GRID2: variants seen among roughly 807,000 people sequenced by gnomAD.
GRID2 encodes glutamate receptor ionotropic, delta-2.
GRID2 carries 33 observed loss-of-function variants against 114.8 expected under a neutral mutation model. The observed-to-expected ratio is 0.29, with a 90% CI of 0.22 to 0.38. GRID2 has a LOEUF of 0.38. Ranked by LOEUF, GRID2 falls within the 10% of genes least tolerant of loss-of-function variation. The pLI is 1.00. For missense variants in GRID2, 1,184 were observed against 1,257.7 expected (o/e 0.94, Z 0.89); for synonymous variants, 505 against 449.9 (o/e 1.12, Z -1.55).
intron 2 of GRID2, among the ~76,000 whole-genome samples, chr4:92,759,316 A>G (rs771119997): frequency 3.3e-5 from 5 of 152,120 alleles, no homozygotes; most frequent in African/African-American, 4.8e-5. Context: ...TATAACCTAT[A>G]TTTCTGTCAA....
chr4:92,508,624 G>A (rs777172646), intron 1 of GRID2, among the ~76,000 whole-genome samples: 1 of 151,796 alleles, frequency 6.6e-6, no homozygotes, highest in Non-Finnish European at 1.5e-5. Context: ...CATGTTGTAG[G>A]AATGGCAAGA....
At chr4:93,471,319 A>G (rs1724780217) in intron 11 of GRID2, among the ~76,000 whole-genome samples, 1 of 152,108 alleles carries the variant, frequency 6.6e-6, no homozygotes. Context: ...TTATCTTTCA[A>G]CTCTTAAACT....
At position 92,317,728 on chromosome 4, in the gene GRID2, T is replaced by C. The variant is rs558178322; in HGVS notation, c.88+12984T>C. ...CAAAATATCACCCAGATTCTGAAGA[T>C]AGAACTTGCTCTTGGCTGCTGAGTT... On this transcript the variant is annotated intron_variant, in intron 1 of 15. Coordinates refer to ENST00000282020, the MANE Select transcript of GRID2 (RefSeq NM_001510.4). Among the ~76,000 whole-genome samples, 14 of 152,274 alleles carry C rather than the reference T, an allele frequency of 9.2e-5. No homozygotes were observed. In the South Asian group the frequency reaches 2.5e-3, roughly 27 times the overall value.
chr4:92,655,990 T>G (rs1732212501), intron 2 of GRID2, among the ~76,000 whole-genome samples: 1 of 151,854 alleles, frequency 6.6e-6, no homozygotes, highest in Admixed American at 6.6e-5. Context: ...CAGTATTATG[T>G]TAGCTGTGGG....
intron 13 of GRID2, among the ~76,000 whole-genome samples, 199 bp from the exon 14 acceptor site, chr4:93,626,070 A>C (rs1742702162): frequency 6.6e-6 from 1 of 152,230 alleles, no homozygotes; most frequent in Admixed American, 6.5e-5. Flanking sequence ...ATTTTATATA[A>C]GGACTTGAGC....
intron 2 of GRID2, among the ~76,000 whole-genome samples, chr4:92,854,364 T>C (rs185143715): frequency 3.3e-5 from 5 of 152,200 alleles, no homozygotes; most frequent in Admixed American, 3.3e-4. Context: ...CTCTGAATTC[T>C]GGGCTGAAAA....
At chr4:92,730,440 A>G (rs747632697) in intron 2 of GRID2, among the ~76,000 whole-genome samples, 2 of 151,910 alleles carry the variant, frequency 1.3e-5, no homozygotes, top group Non-Finnish European at 2.9e-5. Flanking sequence ...TTCATCTTCC[A>G]CTTAGATTAG....
At chr4:93,211,631 T>C (rs1040383646) in intron 5 of GRID2, among the ~76,000 whole-genome samples, 1 of 152,152 alleles carries the variant, frequency 6.6e-6, no homozygotes, top group Non-Finnish European at 1.5e-5. Context: ...ATCACCATCA[T>C]TGAAACCGTT....
intron 8 of GRID2, among the ~76,000 whole-genome samples, chr4:93,366,057 A>C (rs1417437897): frequency 6.6e-6 from 1 of 152,108 alleles, no homozygotes; most frequent in Non-Finnish European, 1.5e-5. Context: ...AGGACCCTGT[A>C]ATAATTGCAT....
chr4:93,202,101 G>A (rs376720456), intron 4 of GRID2, among the ~76,000 whole-genome samples: 2 of 152,058 alleles, frequency 1.3e-5, no homozygotes, highest in Non-Finnish European at 2.9e-5. Context: ...GAGAATTATA[G>A]GATAAGAGGA....
At chr4:93,738,915 G>A (rs1731147890) in intron 14 of GRID2, among the ~76,000 whole-genome samples, 1 of 152,154 alleles carries the variant, frequency 6.6e-6, no homozygotes, top group Admixed American at 6.6e-5. Context: ...GAGAGAGGAA[G>A]AGGAATGTGA....
chr4:93,214,968 T>C (rs1283820850), intron 5 of GRID2, among the ~76,000 whole-genome samples: 2 of 152,004 alleles, frequency 1.3e-5, no homozygotes, highest in Non-Finnish European at 2.9e-5. Context: ...ATCCTATGAG[T>C]AGAGTATTAT....
At chr4:93,651,598 T>A (rs1722587690) in intron 14 of GRID2, among the ~76,000 whole-genome samples, 1 of 152,138 alleles carries the variant, frequency 6.6e-6, no homozygotes, top group South Asian at 2.1e-4. Context: ...GCAGTCACAC[T>A]ACGAGTCTAA....
At chr4:92,805,095 T>G (rs981482747) in intron 2 of GRID2, among the ~76,000 whole-genome samples, 1 of 152,032 alleles carries the variant, frequency 6.6e-6, no homozygotes, top group Non-Finnish European at 1.5e-5. Flanking sequence ...GTAACTATTA[T>G]TATCTCATTT....
chr4:93,510,905 C>G (rs189091782), intron 12 of GRID2, among the ~76,000 whole-genome samples: 54 of 152,148 alleles, frequency 3.5e-4, no homozygotes, highest in African/African-American at 1.3e-3. Flanking sequence ...AATAGACTAT[C>G]AAATATTTAA....
chr4:93,346,500 C>A (rs1477052054), intron 8 of GRID2, among the ~76,000 whole-genome samples: 1 of 151,914 alleles, frequency 6.6e-6, no homozygotes, highest in Admixed American at 6.6e-5. Flanking sequence ...ATTTTTTGTT[C>A]CACACTGATT....
intron 2 of GRID2, among the ~76,000 whole-genome samples, chr4:92,722,577 G>T (rs757181330): frequency 5.9e-5 from 9 of 152,010 alleles, no homozygotes; most frequent in Non-Finnish European, 1.2e-4. Flanking sequence ...ACTAAGTGTG[G>T]CCCAGTTAAC....
At chr4:93,729,225 G>A (rs1224213291) in intron 14 of GRID2, among the ~76,000 whole-genome samples, 1 of 151,292 alleles carries the variant, frequency 6.6e-6, no homozygotes, top group Admixed American at 6.6e-5. Flanking sequence ...AGAATATCTG[G>A]GAGCTAAAGA....
chr4:92,617,262 G>A (rs574620811), intron 2 of GRID2, among the ~76,000 whole-genome samples: 3 of 150,974 alleles, frequency 2.0e-5, no homozygotes, highest in African/African-American at 7.3e-5. Context: ...GATTGTGCAG[G>A]TTTGTTACAT....
Sources: allele counts gnomAD v4.1 joint callset (sites outside exome capture counted in the v4.1 genomes callset), GRCh38; gene constraint gnomAD v4.1.1; transcripts MANE v1.5; gene names NCBI Gene and HGNC (gene_info 2026-07-23, HGNC 2026-07-21).